The following TNS2 variants were observed in gnomAD, a reference collection of about 807,000 sequenced individuals.
TNS2 encodes the protein tensin-2.
Under a neutral mutation model 155.7 loss-of-function variants are expected in TNS2, and 77 were observed. The observed-to-expected ratio is 0.49, with a 90% confidence interval of 0.41 to 0.60. The LOEUF (loss-of-function observed/expected upper bound fraction) is 0.60. Among genes scored for constraint, TNS2 ranks in the 20% least tolerant of loss-of-function variants. The probability of loss-of-function intolerance (pLI) is 0.00; values close to 1 mark genes in which losing one functional copy is unlikely to be tolerated. For missense variants in TNS2, 1,703 were observed against 1,868.8 expected (o/e 0.91, Z 1.64); for synonymous variants, 726 against 763.9 (o/e 0.95, Z 0.82).
chr12:53,060,100 G>A lies in TNS2; in HGVS notation c.2459G>A (p.Ser820Asn), dbSNP rs755464444. The A allele has an allele frequency of 6.2e-6, 10 of 1,611,064 alleles. No homozygotes were observed. The highest frequency in any genetic ancestry group is 1.7e-5 in the Admixed American group (1 of 59,862). Residue 820 changes from serine (S) to asparagine (N), a missense_variant, in exon 18 of 29, where the codon AGC becomes AAC. Coordinates refer to ENST00000314250, the MANE Select transcript of TNS2 (RefSeq NM_170754.4). The surrounding 1 kb of genome is among the most constrained non-coding windows in gnomAD (Gnocchi z 6.1). ...GSPGEGRGYP[S>N]PGAHSPRAGS... is the part of the protein sequence containing the mutation. ...CCAGGAGAGGGCAGAGGGTATCCCA[G>A]CCCTGGTGCCCACTCCCCACGGGCT...
chr12:53,054,586 G>T lies in TNS2; in HGVS notation c.522+145G>T, dbSNP rs547623566. ...GGGGTGGGGGCGGGGCCCGGAGCGC[G>T]GCCTGGAGCGGAGCGGAGAATCCTG... On this transcript the variant is annotated intron_variant, in intron 7 of 28. Coordinates refer to ENST00000314250, the MANE Select transcript of TNS2 (RefSeq NM_170754.4). 7,123 of 1,136,144 alleles carry T rather than the reference G, an allele frequency of 6.3e-3. 59 individuals are homozygous for T. Among genetic ancestry groups the T allele is most frequent in the Middle Eastern group, 7.6e-3 (26 of 3,424 alleles). The allele number at this position is 1,136,144 out of a possible 1,614,324, so 70.4% of individuals were successfully genotyped here.
At position 53,058,630 on chromosome 12, in the gene TNS2, G is replaced by T; in HGVS notation, c.1284G>T (p.Lys428Asn). The part of the protein sequence containing the change: ...VEFVFSSSPE[K>N]IKGSTPRNDP... ...TTGTCTTCTCCTCCAGCCCCGAGAA[G>T]ATCAAAGGTAAGAGCAGGGACATGG... The change falls in exon 16 of 29, where the codon AAG becomes AAT. Residue 428 changes from lysine to asparagine, a missense_variant. Coordinates refer to ENST00000314250, the MANE Select transcript of TNS2 (RefSeq NM_170754.4). 2 of 1,614,078 alleles carry T rather than the reference G, an allele frequency of 1.2e-6. No individual in the cohort carries two copies. The highest frequency in any genetic ancestry group is 1.7e-6 in the Non-Finnish European group (2 of 1,179,988).
In TNS2 at chr12:53,058,433, G is replaced by A. The variant is rs139273379; in HGVS notation, c.1213G>A (p.Glu405Lys). The A allele has an allele frequency of 1.9e-4, 311 of 1,614,152 alleles. No individual in the cohort carries two copies. The highest frequency in any genetic ancestry group is 1.3e-3 in the East Asian group (57 of 44,874). ...CACTTTCCCCAAGGACCAGCTTGAC[G>A]AGGCCTGGACTGGTGAGTCTGAGAC... Reference protein sequence around the residue: ...QLTFPKDQLDEAWTDERFPFQ... With the variant: ...QLTFPKDQLDKAWTDERFPFQ... Residue 405 changes from glutamate (E) to lysine (K), a missense_variant, in exon 15 of 29, where the codon GAG (glutamate) becomes AAG (lysine). Glu to Lys is a moderately conservative substitution (Grantham distance 56). Coordinates refer to ENST00000314250, the MANE Select transcript of TNS2 (RefSeq NM_170754.4).
Position 53,055,659 on chromosome 12 carries a change from A to AC in TNS2, c.668dup (p.Gln224ThrfsTer93). 6.2e-7 allele frequency: 1 copy of AC among 1,614,140 alleles called. No homozygotes were observed. Among genetic ancestry groups the AC allele is most frequent in the Non-Finnish European group, 8.5e-7 (1 of 1,180,030 alleles). On this transcript the variant is annotated frameshift_variant, in exon 9 of 29. Coordinates refer to ENST00000314250, the MANE Select transcript of TNS2 (RefSeq NM_170754.4). LOFTEE classifies it high-confidence loss of function. ...GCCATGGAGACATGGCTCAGTGCTG[A>AC]CCCACAGCACGTGGTCGTACTATAC...
rs535459703 is a variant in TNS2, at chr12:53,054,033, G to T, written c.350+19G>T. ...TGCCCAGGTAAGTGAGGGTGCTGGG[G>T]TGGTCCCACGTGACCCCCTTTCCGC... On this transcript the variant is annotated intron_variant, in intron 6 of 28. Transcript: ENST00000314250. 29 of 1,613,968 alleles carry T rather than the reference G, an allele frequency of 1.8e-5. No individual in the cohort carries two copies. In the East Asian group the frequency reaches 4.9e-4, roughly 27 times the overall value.
At chr12:53,051,318 ATGT>A (rs1222296586) in intron 1 of TNS2, among the ~76,000 whole-genome samples, 2 of 152,130 alleles carry the variant, frequency 1.3e-5, no homozygotes, top group African/African-American at 4.8e-5. Flanking sequence ...ATGAGTAAAC[ATGT>A]TGTTCTGACC....
At position 53,058,749 on chromosome 12, in the gene TNS2, G is replaced by A. The variant is rs145813729; in HGVS notation, c.1327G>A (p.Asp443Asn). 2.1e-5 allele frequency: 34 copies of A among 1,613,816 alleles called. No individual in the cohort carries two copies. Among genetic ancestry groups the A allele is most frequent in the East Asian group, 6.7e-5 (3 of 44,882 alleles). The change falls in exon 17 of 29, where the codon GAC becomes AAC. Residue 443 changes from aspartate (D) to asparagine (N), a missense_variant. Transcript: ENST00000314250. ...ACGGAACGACCCCTCGGTCTCTGTC[G>A]ACTACAACACCACTGAGCCAGCCGT... ...TPRNDPSVSV[D>N]YNTTEPAVRW... is the part of the protein sequence containing the mutation.
chr12:53,055,984 A>G, intron 10 of TNS2, 139 bp downstream of exon 10: 1 of 817,062 alleles, frequency 1.2e-6, no homozygotes, highest in Non-Finnish European at 1.9e-6. Flanking sequence ...CCTCCCTTTT[A>G]TCACTAGTAC....
At position 53,059,993 on chromosome 12, in the gene TNS2, T is replaced by C; in HGVS notation, c.2352T>C (p.Pro784=). 2.5e-6 allele frequency: 4 copies of C among 1,613,426 alleles called. No homozygotes were observed. Among genetic ancestry groups the C allele is most frequent in the Non-Finnish European group, 3.4e-6 (4 of 1,179,950 alleles). The change falls in exon 18 of 29, where the codon CCT becomes CCC. Residue 784 remains proline (P), a synonymous_variant. Transcript: ENST00000314250. The surrounding 1 kb of genome is among the most constrained non-coding windows in gnomAD (Gnocchi z 4.7). ...GCAGGTATGGGCATCCAGGGTACCC[T>C]GCCCTGGTGACATACAGCTATGGAG... ...PEGRYGHPGY[P]ALVTYSYGGA...
rs1200329868 is a variant in TNS2, at chr12:53,056,895, T to C, written c.762-118T>C. 8.5e-6 allele frequency: 8 copies of C among 944,892 alleles called. No homozygotes were observed. In the South Asian group the frequency reaches 1.3e-4, roughly 15 times the overall value. 58.5% of individuals were successfully genotyped at this position (944,892 alleles called of 1,614,324 possible). ...TGCTTCTCATTCTCATTACCACTACTCTGGGCTTCTTCTAGACTTAGAGAA... is the reference window on the plus strand; with the variant it reads ...TGCTTCTCATTCTCATTACCACTACCCTGGGCTTCTTCTAGACTTAGAGAA... On this transcript the variant is annotated intron_variant, in intron 10 of 28. Coordinates refer to ENST00000314250, the MANE Select transcript of TNS2 (RefSeq NM_170754.4).
Position 53,058,598 on chromosome 12 carries a change from G to A in TNS2, c.1252G>A (p.Val418Met), listed in dbSNP as rs537801235. The A allele has an allele frequency of 1.6e-4, 261 of 1,614,104 alleles. 4 individuals carry two copies. In the South Asian group the frequency reaches 2.1e-3, roughly 13 times the overall value. The change falls in exon 16 of 29, where the codon GTG (valine) becomes ATG (methionine). Residue 418 changes from valine (V) to methionine (M), a missense_variant. Transcript: ENST00000314250. ...TDERFPFQAS[V>M]EFVFSSSPEK... ...TGAGAGGTTCCCCTTCCAAGCCTCC[G>A]TGGAGTTTGTCTTCTCCTCCAGCCC...
chr12:53,052,629 A>T, intron 3 of TNS2, 137 bp downstream of exon 3: 5 of 1,210,984 alleles, frequency 4.1e-6, no homozygotes, highest in East Asian at 2.5e-5. Flanking sequence ...CCTGGGTGGG[A>T]GGGGTGCTGT....
At position 53,060,617 on chromosome 12, in the gene TNS2, TG is replaced by T. The variant is rs766828523; in HGVS notation, c.2769-54del. The T allele has an allele frequency of 5.2e-4, 827 of 1,593,706 alleles. 1 individual carries two copies. The highest frequency in any genetic ancestry group is 6.9e-4 in the Non-Finnish European group (803 of 1,168,456). Reference sequence around the variant, plus strand: ...TGTCCAAGCAGTTGATGAAGGCAGGTGGGGTGGGAGCAGCCACAATGGGGGC... The same window carrying T: ...TGTCCAAGCAGTTGATGAAGGCAGGTGGGTGGGAGCAGCCACAATGGGGGC... On this transcript the variant is annotated intron_variant, in intron 19 of 28. Coordinates refer to ENST00000314250, the MANE Select transcript of TNS2 (RefSeq NM_170754.4). The surrounding 1 kb of genome is among the most constrained non-coding windows in gnomAD (Gnocchi z 6.1).
rs1944250999 is a variant in TNS2, at chr12:53,058,601, G to A, written c.1255G>A (p.Glu419Lys). The A allele has an allele frequency of 6.2e-7, 1 of 1,614,112 alleles. No individual in the cohort carries two copies. The highest frequency in any genetic ancestry group is 8.5e-7 in the Non-Finnish European group (1 of 1,180,002). Residue 419 changes from glutamate (E) to lysine (K), a missense_variant, in exon 16 of 29, where the codon GAG (glutamate) becomes AAG (lysine). Coordinates refer to ENST00000314250, the MANE Select transcript of TNS2 (RefSeq NM_170754.4). ...DERFPFQASV[E>K]FVFSSSPEKI... ...GAGGTTCCCCTTCCAAGCCTCCGTG[G>A]AGTTTGTCTTCTCCTCCAGCCCCGA...
rs971639950 is a variant in TNS2, at chr12:53,053,246, G to A, written c.223-165G>A. On this transcript the variant is annotated intron_variant, in intron 3 of 28. Coordinates refer to ENST00000314250, the MANE Select transcript of TNS2 (RefSeq NM_170754.4). ...GGGGGCCTGGGGGGTGGGGGACCAAGAGGCCAGAGGGGAGGTGCCCTTAAA... is the reference window on the plus strand; with the variant it reads ...GGGGGCCTGGGGGGTGGGGGACCAAAAGGCCAGAGGGGAGGTGCCCTTAAA... 8.0e-6 allele frequency: 6 copies of A among 753,766 alleles called. No individual in the cohort carries two copies. In the African/African-American group the frequency reaches 1.0e-4, roughly 13 times the overall value. The allele number at this position is 753,766 out of a possible 1,614,324, so 46.7% of individuals were successfully genotyped here.
At chr12:53,053,599 G>A in intron 4 of TNS2, 150 bp downstream of exon 4, 3 of 1,357,380 alleles carry the variant, frequency 2.2e-6, no homozygotes, top group Non-Finnish European at 3.0e-6. Context: ...AAAACTGTCT[G>A]AGTCCTCTGC....
rs1218467688 is a variant in TNS2 at position 53,060,791 on chromosome 12, C to T, written c.2885C>T (p.Ser962Leu). Reference protein sequence around the residue: ...AGTGKAPELPSGSGPEPLAPS... With the variant: ...AGTGKAPELPLGSGPEPLAPS... ...ACCGGAAAGGCCCCTGAGCTGCCGT[C>T]GGGAAGTGGGCCTGAGCCTCTGGCC... is the stretch of plus-strand genomic sequence containing the variant. The change falls in exon 20 of 29, where the codon TCG (serine) becomes TTG (leucine). Residue 962 changes from serine to leucine, a missense_variant. Ser to Leu is a moderately radical substitution (Grantham distance 145). Transcript: ENST00000314250. The surrounding 1 kb of genome is among the most constrained non-coding windows in gnomAD (Gnocchi z 6.1). The T allele has an allele frequency of 1.2e-6, 2 of 1,612,148 alleles. No homozygotes were observed. Among genetic ancestry groups the T allele is most frequent in the Non-Finnish European group, 1.7e-6 (2 of 1,179,086 alleles).
chr12:53,063,721 T>C lies in TNS2; in HGVS notation c.4092-23T>C. On this transcript the variant is annotated intron_variant, in intron 28 of 28. Coordinates refer to ENST00000314250, the MANE Select transcript of TNS2 (RefSeq NM_170754.4). The surrounding 1 kb of genome is among the most constrained non-coding windows in gnomAD (Gnocchi z 5.6). ...CCTTGTGGAAGGAATGTTAAGCCCC[T>C]TCCCCACCCTTTATCCCCCTAGGAT... 3 of 1,613,764 alleles carry C rather than the reference T, an allele frequency of 1.9e-6. No individual in the cohort carries two copies. The highest frequency in any genetic ancestry group is 3.3e-4 in the Middle Eastern group (2 of 6,060).
intron 25 of TNS2, 115 bp from the exon 26 acceptor site, chr12:53,062,974 A>ATGATT (rs1342026721): frequency 6.3e-5 from 86 of 1,373,404 alleles, no homozygotes; most frequent in Non-Finnish European, 8.3e-5. Context: ...CTTTTTAACA[A>ATGATT]GTCACCTATG....
Sources: gnomAD v4.1 joint callset for allele counts (sites outside exome capture counted in the v4.1 genomes callset) on GRCh38, gnomAD v4.1.1 for gene constraint, Gnocchi (gnomAD v3.1) non-coding constraint, MANE v1.5 for transcripts, NCBI Gene and HGNC (gene_info 2026-07-23, HGNC 2026-07-21) for gene names.